Variants in TNRC6B observed in about 807,000 individuals in gnomAD.
TNRC6B encodes the protein trinucleotide repeat-containing gene 6B protein.
TNRC6B carries 52 observed loss-of-function variants against 203.6 expected under a neutral mutation model. That is an observed-to-expected ratio of 0.26 (90% CI 0.20 to 0.32). The LOEUF (loss-of-function observed/expected upper bound fraction) is 0.32. Among genes scored for constraint, TNRC6B ranks in the 10% least tolerant of loss-of-function variants. The probability of loss-of-function intolerance (pLI) is 1.00; values close to 1 mark genes in which losing one functional copy is unlikely to be tolerated. For synonymous variants in TNRC6B, 838 were observed against 845.7 expected (o/e 0.99, Z 0.16); for missense variants, 1,923 against 2,286.2 (o/e 0.84, Z 3.24).
At chr22:40,234,974 G>A (rs951680644) in intron 1 of TNRC6B, among the ~76,000 whole-genome samples, 6 of 152,112 alleles carry the variant, frequency 3.9e-5, no homozygotes, top group African/African-American at 1.4e-4. Flanking sequence ...TTGTGTGTGT[G>A]CATTTTTAAT....
At chr22:40,069,339 C>G (rs1334599625) in intron 1 of TNRC6B, among the ~76,000 whole-genome samples, 1 of 151,728 alleles carries the variant, frequency 6.6e-6, no homozygotes, top group Non-Finnish European at 1.5e-5. Flanking sequence ...CTCCTGGGCT[C>G]AAGGGATCCT....
At chr22:40,178,197 C>A in intron 1 of TNRC6B, 57 bp downstream of exon 1, 1 of 1,587,936 alleles carries the variant, frequency 6.3e-7, no homozygotes. Flanking sequence ...TCTTGTCTAA[C>A]CGTTTTCACT....
At chr22:40,143,521 GCT>G (rs989934673) in intron 3 of TNRC6B, among the ~76,000 whole-genome samples, 2 of 152,030 alleles carry the variant, frequency 1.3e-5, no homozygotes. Flanking sequence ...ATAGAGTCTC[GCT>G]CTGTCACCCA....
rs375699729 is a variant in TNRC6B, at chr22:40,276,590, C to T, written c.3142-487C>T. Among the ~76,000 whole-genome samples the T allele has an allele frequency of 3.7e-4, 57 of 152,286 alleles. No individual in the cohort carries two copies. In the South Asian group the frequency reaches 0.011, roughly 28 times the overall value. On this transcript the variant is annotated intron_variant, in intron 7 of 22. Coordinates refer to ENST00000454349, the MANE Select transcript of TNRC6B (RefSeq NM_001162501.2). ...TGTCTTCCACTAGGTCTCTTTACCA[C>T]CAGGACCAATGTCTTTTATGCTGTG...
chr22:40,221,550 C>T (rs1375951138), intron 1 of TNRC6B, among the ~76,000 whole-genome samples: 1 of 152,158 alleles, frequency 6.6e-6, no homozygotes, highest in African/African-American at 2.4e-5. Flanking sequence ...AGTGGTCCTC[C>T]CACCTCAGCT....
At chr22:40,098,589 A>G (rs747629657) in intron 1 of TNRC6B, among the ~76,000 whole-genome samples, 4 of 152,112 alleles carry the variant, frequency 2.6e-5, no homozygotes, top group Non-Finnish European at 5.9e-5. Context: ...TTAGATTTTT[A>G]TGTAGTGAAA....
intron 3 of TNRC6B, among the ~76,000 whole-genome samples, chr22:40,130,642 C>T (rs1245497105): frequency 1.3e-5 from 2 of 150,636 alleles, no homozygotes; most frequent in Non-Finnish European, 2.9e-5. Flanking sequence ...AAAAAATTAG[C>T]CGGGCGAGGT....
chr22:40,142,960 CTA>C (rs1445662781), intron 3 of TNRC6B, among the ~76,000 whole-genome samples: 2 of 152,188 alleles, frequency 1.3e-5, no homozygotes, highest in Non-Finnish European at 2.9e-5. Context: ...ACTGTGGGGG[CTA>C]AAACGTTGAA....
chr22:40,229,203 A>C (rs2146447536), intron 1 of TNRC6B, among the ~76,000 whole-genome samples: 1 of 152,364 alleles, frequency 6.6e-6, no homozygotes, highest in East Asian at 1.9e-4. Context: ...CTAAAAATTC[A>C]GACATTTGCC....
At chr22:40,170,794 T>TATAC (rs1491273809) in intron 4 of TNRC6B, among the ~76,000 whole-genome samples, 1 of 40,126 alleles carries the variant, frequency 2.5e-5, no homozygotes, top group African/African-American at 1.6e-4. Context: ...TATATGTGTG[T>TATAC]ATATATACAT....
chr22:40,311,133 A>G (rs545441522), intron 17 of TNRC6B, 140 bp downstream of exon 17: 1 of 1,028,866 alleles, frequency 9.7e-7, no homozygotes, highest in Admixed American at 2.7e-5. Context: ...GTCTGTTAGA[A>G]GCAAGGCATG....
chr22:40,106,367 A>G, intron 1 of TNRC6B: 1 of 1,218,784 alleles, frequency 8.2e-7, no homozygotes, highest in Non-Finnish European at 1.2e-6. Flanking sequence ...TCTTGTTGCC[A>G]GCATCTCCAC....
At position 40,332,966 on chromosome 22, in the gene TNRC6B, G is replaced by C. The variant is rs552331392; in HGVS notation, c.*9725G>C. The C allele has an allele frequency of 6.6e-6, 1 of 152,492 alleles. No individual in the cohort carries two copies. Among genetic ancestry groups the C allele is most frequent in the South Asian group, 2.1e-4 (1 of 4,822 alleles). The allele number at this position is 152,492 out of a possible 1,614,324, so 9.4% of individuals were successfully genotyped here. On this transcript the variant is annotated 3_prime_UTR_variant, in exon 23 of 23. Coordinates refer to ENST00000454349, the MANE Select transcript of TNRC6B (RefSeq NM_001162501.2). ...TTCATGTTTAAGAAGAAAGAGCAGA[G>C]GAGGTCGGGGGAGCCGGTTTGCATT... is the stretch of plus-strand genomic sequence containing the variant.
At chr22:40,319,306 C>T (rs145559397) in intron 21 of TNRC6B, among the ~76,000 whole-genome samples, 105 of 151,358 alleles carry the variant, frequency 6.9e-4, no homozygotes, top group African/African-American at 1.9e-3. Context: ...ACAATTGTCA[C>T]CCCCTTACCC....
At chr22:40,224,968 T>TA (rs1165956127) in intron 1 of TNRC6B, among the ~76,000 whole-genome samples, 9 of 152,242 alleles carry the variant, frequency 5.9e-5, no homozygotes, top group Non-Finnish European at 1.3e-4. Context: ...ATGTGCTTTG[T>TA]ATTGTTAGGT....
chr22:40,191,431 G>A (rs1163175288), intron 1 of TNRC6B, among the ~76,000 whole-genome samples: 2 of 152,138 alleles, frequency 1.3e-5, no homozygotes, highest in Non-Finnish European at 2.9e-5. Context: ...AGAAGAAATA[G>A]AATAAACAAG....
Position 40,151,560 on chromosome 22 carries a change from GA to G in TNRC6B, c.46-4548del, listed in dbSNP as rs147036721. Among the ~76,000 whole-genome samples, 2 of 140,332 alleles carry G rather than the reference GA, an allele frequency of 1.4e-5. 1 individual carries two copies. Among genetic ancestry groups the G allele is most frequent in the Non-Finnish European group, 3.0e-5 (2 of 65,574 alleles). The allele number at this position is 140,332 out of a possible 152,430, so 92.1% of individuals were successfully genotyped here. ...CTCAAAAAAAAAAAAAAAGAAAAAA[GA>G]AAAAAACTAAAACAAAAACTCTCTA... is the stretch of plus-strand genomic sequence containing the variant. On this transcript the variant is annotated intron_variant, in intron 3 of 23. Transcript: ENST00000301923.
At chr22:40,245,674 G>C (rs1410485783) in intron 1 of TNRC6B, among the ~76,000 whole-genome samples, 1 of 151,898 alleles carries the variant, frequency 6.6e-6, no homozygotes, top group East Asian at 1.9e-4. Flanking sequence ...GGATATTGTC[G>C]TATTCAAATC....
chr22:40,292,046 TAACTG>T (rs2070875217), intron 12 of TNRC6B, among the ~76,000 whole-genome samples: 1 of 152,102 alleles, frequency 6.6e-6, no homozygotes, highest in African/African-American at 2.4e-5. Context: ...TACAAAAACT[TAACTG>T]GGTGTGGTGG....
Sources: allele counts gnomAD v4.1 joint callset (sites outside exome capture counted in the v4.1 genomes callset), GRCh38; gene constraint gnomAD v4.1.1; transcripts MANE v1.5; gene names NCBI Gene and HGNC (gene_info 2026-07-23, HGNC 2026-07-21).